Variants in DOCK8 observed in about 807,000 individuals in gnomAD.
The protein encoded by DOCK8 is dedicator of cytokinesis 8.
A neutral mutation model predicts 245.6 loss-of-function variants in DOCK8; 141 were observed. That is an observed-to-expected ratio of 0.57 (90% CI 0.50 to 0.66). DOCK8 has a LOEUF of 0.66. Among genes scored for constraint, DOCK8 ranks in the 30% least tolerant of loss-of-function variants. The pLI is 0.00. For missense variants in DOCK8, 2,965 were observed against 2,603.4 expected, an observed-to-expected ratio of 1.14 and a Z score of -3.02; for synonymous variants, 1,168 against 970.2, an observed-to-expected ratio of 1.20 and a Z score of -3.79.
At chr9:259,884 G>C (rs552524) in intron 1 of DOCK8, among the ~76,000 whole-genome samples, 73,566 of 152,086 alleles carry the variant, frequency 0.48, 18,215 homozygotes, top group East Asian at 0.8. Context: ...TTAGACTCAT[G>C]AAAGATGTGT....
intron 14 of DOCK8, among the ~76,000 whole-genome samples, chr9:346,298 CA>C (rs1293988315): frequency 6.6e-6 from 1 of 152,094 alleles, no homozygotes; most frequent in East Asian, 1.9e-4. Flanking sequence ...CCATGTGACC[CA>C]ACAGCTGGTA....
At chr9:295,218 C>A (rs1406822466) in intron 4 of DOCK8, among the ~76,000 whole-genome samples, 1 of 151,672 alleles carries the variant, frequency 6.6e-6, no homozygotes, top group Non-Finnish European at 1.5e-5. Context: ...TTCCATGTAT[C>A]TGACATTCTG....
chr9:443,208 A>C (rs1253401385), intron 42 of DOCK8, among the ~76,000 whole-genome samples: 4 of 152,232 alleles, frequency 2.6e-5, no homozygotes, highest in Non-Finnish European at 4.4e-5. Context: ...TTAGAGGCCA[A>C]GCATACATCT....
At position 420,416 on chromosome 9, in the gene DOCK8, A is replaced by G. The variant is rs762537005; in HGVS notation, c.3856A>G (p.Asn1286Asp). The change falls in exon 31 of 48, where the codon AAC becomes GAC. Residue 1286 changes from asparagine (N) to aspartate (D), a missense_variant. Coordinates refer to ENST00000432829, the MANE Select transcript of DOCK8 (RefSeq NM_203447.4). ...CTCCCTTCAGCCCTATAAGCAGTACAACATGCTGAACGCGGACACTACTCG... is the reference window on the plus strand; with the variant it reads ...CTCCCTTCAGCCCTATAAGCAGTACGACATGCTGAACGCGGACACTACTCG... ...VLSSLPYKQY[N>D]MLNADTTRNL... 1.2e-6 allele frequency: 2 copies of G among 1,614,142 alleles called. No individual in the cohort carries two copies. The highest frequency in any genetic ancestry group is 1.1e-5 in the South Asian group (1 of 91,084).
chr9:289,424 C>A (rs921095735), intron 3 of DOCK8, 86 bp from the exon 4 acceptor site: 11 of 1,044,092 alleles, frequency 1.1e-5, no homozygotes, highest in African/African-American at 6.3e-5. Flanking sequence ...GATTTAAATT[C>A]GTGTCATGTT....
chr9:420,670 T>G, intron 31 of DOCK8, 87 bp downstream of exon 31: 2 of 1,520,864 alleles, frequency 1.3e-6, no homozygotes, highest in Non-Finnish European at 1.8e-6. Context: ...GTTTGGGCCA[T>G]GGAGGCATCA....
intron 28 of DOCK8, among the ~76,000 whole-genome samples, chr9:408,288 C>T (rs564094890): frequency 3.3e-5 from 5 of 152,282 alleles, no homozygotes; most frequent in East Asian, 3.9e-4. Context: ...GTGTCCCAAG[C>T]TATGTACCCA....
intron 1 of DOCK8, among the ~76,000 whole-genome samples, chr9:220,033 A>G (rs949365181): frequency 1.4e-4 from 21 of 152,270 alleles, no homozygotes; most frequent in African/African-American, 4.8e-4. Context: ...ATTCAAATGT[A>G]TAGATGTGTA....
chr9:256,076 T>C (rs1191923268), intron 1 of DOCK8, among the ~76,000 whole-genome samples: 1 of 152,208 alleles, frequency 6.6e-6, no homozygotes, highest in Admixed American at 6.5e-5. Context: ...TGACCAACTC[T>C]TTAGTAAGGG....
In DOCK8 at chr9:311,023, C is replaced by T. The variant is rs144298608; in HGVS notation, c.529-931C>T. On this transcript the variant is annotated intron_variant, in intron 5 of 47. Coordinates refer to ENST00000432829, the MANE Select transcript of DOCK8 (RefSeq NM_203447.4). ...AAATGGGGCCGGGCGCAGTGGCTCA[C>T]CCCTGTAATCCTAGCACTTTGGGAG... Among the ~76,000 whole-genome samples the T allele has an allele frequency of 1.4e-4, 22 of 152,192 alleles. 2 individuals carry two copies. In the East Asian group the frequency reaches 4.3e-3, roughly 30 times the overall value.
At chr9:269,642 G>A (rs1444626715) in intron 1 of DOCK8, among the ~76,000 whole-genome samples, 19 of 142,082 alleles carry the variant, frequency 1.3e-4, no homozygotes, top group Admixed American at 6.0e-4. Context: ...TGTGACCTCC[G>A]CCTCTCGGGT....
At chr9:400,388 T>C (rs370560853) in intron 26 of DOCK8, among the ~76,000 whole-genome samples, 99 of 14,182 alleles carry the variant, frequency 7.0e-3, no homozygotes, top group African/African-American at 0.018. Context: ...ACCATCACCA[T>C]CACCACCACC....
In DOCK8 at chr9:464,950, G is replaced by C. The variant is rs886657303; in HGVS notation, c.*731G>C. 6.5e-6 allele frequency: 1 copy of C among 152,746 alleles called. No homozygotes were observed. The highest frequency in any genetic ancestry group is 1.5e-5 in the Non-Finnish European group (1 of 68,456). 9.5% of individuals were successfully genotyped at this position (152,746 alleles called of 1,614,324 possible). ...CACAGATACTGCTTTCACTTAAATGGAAACAATTCTCCGATAATGCTTTGC... is the reference window on the plus strand; with the variant it reads ...CACAGATACTGCTTTCACTTAAATGCAAACAATTCTCCGATAATGCTTTGC... On this transcript the variant is annotated 3_prime_UTR_variant, in exon 48 of 48. Coordinates refer to ENST00000432829, the MANE Select transcript of DOCK8 (RefSeq NM_203447.4).
At chr9:325,831 A>G (rs531275096) in intron 8 of DOCK8, 94 bp downstream of exon 8, 31 of 1,207,594 alleles carry the variant, frequency 2.6e-5, no homozygotes, top group Middle Eastern at 1.9e-4. Flanking sequence ...GCAAGAACCT[A>G]TCAGATTTGA....
chr9:413,184 G>A (rs992351214), intron 28 of DOCK8, among the ~76,000 whole-genome samples: 1 of 152,146 alleles, frequency 6.6e-6, no homozygotes, highest in Non-Finnish European at 1.5e-5. Flanking sequence ...AATAAATGGT[G>A]TTGGGACAAC....
At chr9:446,651 G>T (rs765361563) in intron 44 of DOCK8, 45 bp downstream of exon 44, 3 of 1,591,876 alleles carry the variant, frequency 1.9e-6, no homozygotes, top group South Asian at 1.1e-5. Context: ...AGTGGGCTGG[G>T]TGGCCTCCCA....
Position 304,700 on chromosome 9 carries a change from C to G in DOCK8, c.524C>G (p.Ala175Gly). Residue 175 changes from alanine (A) to glycine (G), a missense_variant, in exon 5 of 48, where the codon GCT becomes GGT. This residue lies in a region of DOCK8 where 2,825 missense variants were observed against 2,453.5 expected (regional missense o/e 1.15). Transcript: ENST00000432829. The stretch of plus-strand genomic sequence containing the variant: ...ACCTTGGAGTGCAGTGAACCCGCTG[C>G]TCAGGTATTTCCTGTCAACAAACAT... ...SETLECSEPA[A>G]QAGPRHLNVL... is the part of the protein sequence containing the mutation. 2 of 1,614,192 alleles carry G rather than the reference C, an allele frequency of 1.2e-6. No homozygotes were observed. The highest frequency in any genetic ancestry group is 1.1e-5 in the South Asian group (1 of 91,084).
chr9:259,629 G>T (rs953354939), intron 1 of DOCK8, among the ~76,000 whole-genome samples: 2 of 152,206 alleles, frequency 1.3e-5, no homozygotes, highest in Non-Finnish European at 2.9e-5. Flanking sequence ...ACAGAGCCCT[G>T]TGTCATGTAA....
At chr9:266,875 T>C (rs565663860) in intron 1 of DOCK8, among the ~76,000 whole-genome samples, 1 of 151,820 alleles carries the variant, frequency 6.6e-6, no homozygotes, top group Non-Finnish European at 1.5e-5. Flanking sequence ...ATGATATAAA[T>C]CTAACATCAT....
Sources: allele counts gnomAD v4.1 joint callset (sites outside exome capture counted in the v4.1 genomes callset), GRCh38; gene constraint gnomAD v4.1.1; regional missense constraint gnomAD v4.1.1; transcripts MANE v1.5; gene names NCBI Gene and HGNC (gene_info 2026-07-23, HGNC 2026-07-21).